Variants in ANAPC11 observed in about 807,000 individuals in gnomAD.
ANAPC11 encodes anaphase promoting complex subunit 11, also known as anaphase-promoting complex subunit 11.
Under a neutral mutation model 11.8 loss-of-function variants are expected in ANAPC11, and 5 were observed. The ratio of observed to expected loss-of-function variants is 0.42; its 90% confidence interval spans 0.22 to 0.89. ANAPC11 has a LOEUF of 0.89. Ranked by LOEUF, ANAPC11 falls within the 40% of genes least tolerant of loss-of-function variation. ANAPC11 has a pLI of 0.28. For missense variants in ANAPC11, 68 were observed against 112.9 expected, an observed-to-expected ratio of 0.60 and a Z score of 1.80; for synonymous variants, 45 against 41.0, an observed-to-expected ratio of 1.10 and a Z score of -0.38.
intron 3 of ANAPC11, chr17:81,899,451 C>G: frequency 6.2e-7 from 1 of 1,614,024 alleles, no homozygotes; most frequent in Non-Finnish European, 8.5e-7. Flanking sequence ...CAGTTCACTA[C>G]TCAGATGCAC....
At chr17:81,891,379 TG>T, upstream of ANAPC11, 1 of 1,130,356 alleles carries the variant, frequency 8.8e-7, no homozygotes, top group South Asian at 3.0e-5. Flanking sequence ...CCGCGGGCGA[TG>T]GCCGGCCGGT....
chr17:81,893,755 C>CTTTTTTTTTTTTT (rs751340381), intron 2 of ANAPC11, 141 bp downstream of exon 2: 1 of 123,800 alleles, frequency 8.1e-6, no homozygotes, highest in Non-Finnish European at 1.7e-5. Context: ...CTTTTTTTTC[C>CTTTTTTTTTTTTT]TTTTTTTTTT....
At chr17:81,899,803 G>A in intron 3 of ANAPC11, 117 bp from the exon 4 acceptor site, 1 of 1,102,344 alleles carries the variant, frequency 9.1e-7, no homozygotes, top group Non-Finnish European at 1.3e-6. Flanking sequence ...TGAAACATGA[G>A]AGGCTGCAGT....
chr17:81,897,515 C>A (rs530352655), intron 3 of ANAPC11, among the ~76,000 whole-genome samples: 1 of 152,090 alleles, frequency 6.6e-6, no homozygotes, highest in South Asian at 2.1e-4. Flanking sequence ...CTTGCTGTCA[C>A]CCAGGCGGCA....
upstream of ANAPC11, chr17:81,890,981 G>A: frequency 2.7e-6 from 3 of 1,102,806 alleles, no homozygotes; most frequent in South Asian, 4.6e-5. Flanking sequence ...CCCAGCCCGA[G>A]GCCGCACGGT....
chr17:81,897,968 T>C (rs979022982), intron 3 of ANAPC11, among the ~76,000 whole-genome samples: 4 of 152,342 alleles, frequency 2.6e-5, no homozygotes, highest in Middle Eastern at 3.4e-3. Context: ...CCTAGCTAAA[T>C]AGAAATCTCA....
Position 81,894,509 on chromosome 17 carries a change from T to A in ANAPC11, c.32T>A (p.Val11Glu). ...GTGAAGATTAAGTGCTGGAACGGCG[T>A]GGCCACTTGGCTCTGGGTGGCCAAC... is the stretch of plus-strand genomic sequence containing the variant. MKVKIKCWNG[V>E]ATWLWVANDE... The change falls in exon 3 of 4, where the codon GTG (valine) becomes GAG (glutamate). Residue 11 changes from valine to glutamate, a missense_variant. Transcript: ENST00000344877. The A allele has an allele frequency of 6.2e-7, 1 of 1,613,212 alleles. No homozygotes were observed. Among genetic ancestry groups the A allele is most frequent in the Non-Finnish European group, 8.5e-7 (1 of 1,179,430 alleles).
chr17:81,895,221 AT>A (rs747927725), intron 3 of ANAPC11, among the ~76,000 whole-genome samples: 1 of 151,580 alleles, frequency 6.6e-6, no homozygotes, highest in Non-Finnish European at 1.5e-5. Flanking sequence ...CACCCGGCTA[AT>A]TTTGTATTTT....
chr17:81,890,931 G>A (rs1377503037), upstream of ANAPC11: 3 of 1,499,060 alleles, frequency 2.0e-6, no homozygotes, highest in Non-Finnish European at 2.7e-6. Flanking sequence ...GGATCCGGCC[G>A]AAACGGGGCC....
downstream of ANAPC11, chr17:81,900,460 G>C: frequency 7.9e-6 from 2 of 252,838 alleles, no homozygotes; most frequent in South Asian, 8.3e-5. Flanking sequence ...CTGGATTGCC[G>C]GCGGCGGCCC....
chr17:81,891,515 C>T (rs777709104), upstream of ANAPC11: 11 of 1,366,750 alleles, frequency 8.0e-6, no homozygotes, highest in South Asian at 1.4e-4. Flanking sequence ...GGCTCCGGTT[C>T]AGTTTAATGA....
upstream of ANAPC11, chr17:81,891,689 T>G (rs1205157626): frequency 9.5e-7 from 1 of 1,052,400 alleles, no homozygotes; most frequent in Non-Finnish European, 1.2e-6. Context: ...GGCGGACGGC[T>G]GCGCGCGCGG....
At chr17:81,894,836 G>T in intron 3 of ANAPC11, 1 of 393,302 alleles carries the variant, frequency 2.5e-6, no homozygotes, top group Non-Finnish European at 4.5e-6. Context: ...TCCTGCCTCA[G>T]CCTTCCAAGC....
intron 3 of ANAPC11, among the ~76,000 whole-genome samples, chr17:81,897,001 A>G (rs145741918): frequency 1.3e-5 from 2 of 148,574 alleles, no homozygotes; most frequent in African/African-American, 4.9e-5. Flanking sequence ...TTTTATTTTT[A>G]TTTATTTATT....
At chr17:81,899,085 C>T in intron 3 of ANAPC11, 1 of 793,130 alleles carries the variant, frequency 1.3e-6, no homozygotes, top group South Asian at 1.8e-5. Context: ...CGAGCTCCAG[C>T]TCCACAATGC....
intron 2 of ANAPC11, among the ~76,000 whole-genome samples, chr17:81,894,095 T>C (rs991753858): frequency 2.0e-5 from 3 of 151,850 alleles, no homozygotes; most frequent in Admixed American, 2.0e-4. Context: ...CTGGCCTACA[T>C]GGTGAAACCT....
At chr17:81,893,912 G>C (rs2039641601) in intron 2 of ANAPC11, among the ~76,000 whole-genome samples, 1 of 151,850 alleles carries the variant, frequency 6.6e-6, no homozygotes, top group African/African-American at 2.4e-5. Flanking sequence ...GGGGCTTGCT[G>C]TTCTCCCGTA....
chr17:81,894,790 T>G (rs2039679339), intron 3 of ANAPC11: 1 of 431,740 alleles, frequency 2.3e-6, no homozygotes, highest in Non-Finnish European at 4.1e-6. Flanking sequence ...CGATCTCGGC[T>G]TGCCGCAACC....
chr17:81,899,452 T>C lies in ANAPC11; in HGVS notation c.110-468T>C, dbSNP rs201159530. 124 of 1,613,874 alleles carry C rather than the reference T, an allele frequency of 7.7e-5. No homozygotes were observed. Among genetic ancestry groups the C allele is most frequent in the Non-Finnish European group, 8.6e-5 (102 of 1,180,024 alleles). Reference sequence around the variant, plus strand: ...CTTGATCAAGAGACCAGTTCACTACTCAGATGCACGTCTCCTTGGTGCCTT... The same window carrying C: ...CTTGATCAAGAGACCAGTTCACTACCCAGATGCACGTCTCCTTGGTGCCTT... On this transcript the variant is annotated intron_variant, in intron 3 of 3. Coordinates refer to ENST00000344877, the MANE Select transcript of ANAPC11 (RefSeq NM_001002248.3).
Sources: allele counts gnomAD v4.1 joint callset (sites outside exome capture counted in the v4.1 genomes callset), GRCh38; gene constraint gnomAD v4.1.1; transcripts MANE v1.5; gene names NCBI Gene and HGNC (gene_info 2026-07-23, HGNC 2026-07-21).